The following PAPPA variants were observed in gnomAD, a reference collection of about 807,000 sequenced individuals.
PAPPA encodes pappalysin 1.
A neutral mutation model predicts 164.0 loss-of-function variants in PAPPA; 60 were observed. The observed-to-expected ratio is 0.37, with a 90% CI of 0.30 to 0.45. The LOEUF is 0.45. Ranked by LOEUF, PAPPA falls within the 20% of genes least tolerant of loss-of-function variation. The pLI is 1.00. For missense variants in PAPPA, 1,782 were observed against 2,087.3 expected, an observed-to-expected ratio of 0.85 and a Z score of 2.85; for synonymous variants, 875 against 814.1, an observed-to-expected ratio of 1.07 and a Z score of -1.27.
chr9:116,224,740 A>G (rs956322534), intron 5 of PAPPA, among the ~76,000 whole-genome samples: 3 of 152,236 alleles, frequency 2.0e-5, no homozygotes, highest in African/African-American at 7.2e-5. Flanking sequence ...TTTTAATTAA[A>G]TTAAGTTTAA....
intron 13 of PAPPA, among the ~76,000 whole-genome samples, chr9:116,341,242 T>C (rs1846133318): frequency 6.6e-6 from 1 of 152,090 alleles, no homozygotes; most frequent in Non-Finnish European, 1.5e-5. Flanking sequence ...GGATGCACCA[T>C]GGTGGCCAGG....
At chr9:116,359,628 T>C (rs1389969098) in intron 17 of PAPPA, among the ~76,000 whole-genome samples, 1 of 152,208 alleles carries the variant, frequency 6.6e-6, no homozygotes, top group South Asian at 2.1e-4. Context: ...TGGTAGGCAA[T>C]TTCTGAATGC....
At chr9:116,388,838 G>A (rs545795922) in intron 21 of PAPPA, among the ~76,000 whole-genome samples, 7 of 152,172 alleles carry the variant, frequency 4.6e-5, no homozygotes, top group South Asian at 2.1e-4. Context: ...CTATGTGTAG[G>A]GCTGGCTGCA....
intron 12 of PAPPA, among the ~76,000 whole-genome samples, chr9:116,334,256 A>AG (rs1339552258): frequency 6.6e-6 from 1 of 151,246 alleles, no homozygotes; most frequent in Non-Finnish European, 1.5e-5. Flanking sequence ...AAAAAAAAAA[A>AG]AAAACAGGGC....
At chr9:116,238,519 C>G (rs183488887) in intron 7 of PAPPA, among the ~76,000 whole-genome samples, 1 of 152,242 alleles carries the variant, frequency 6.6e-6, no homozygotes, top group African/African-American at 2.4e-5. Flanking sequence ...ATGACTCAGA[C>G]CAGTCCCTTT....
chr9:116,277,961 C>T (rs1358231157), intron 9 of PAPPA, among the ~76,000 whole-genome samples: 1 of 152,232 alleles, frequency 6.6e-6, no homozygotes, highest in Non-Finnish European at 1.5e-5. Flanking sequence ...AGCCACCGTG[C>T]CTGACTGAAT....
At position 116,259,051 on chromosome 9, in the gene PAPPA, T is replaced by G. The variant is rs573068182; in HGVS notation, c.2733-6806T>G. 3.3e-5 allele frequency among the ~76,000 whole-genome samples: 5 copies of G among 152,130 alleles called. No individual in the cohort carries two copies. In the South Asian group the frequency reaches 1.0e-3, roughly 32 times the overall value. ...GGGAGGCTGAGGCAGGGGAATTGCT[T>G]GAACATGGGAGACAGAGGTTGCAGT... On this transcript the variant is annotated intron_variant, in intron 7 of 21. Coordinates refer to ENST00000328252, the MANE Select transcript of PAPPA (RefSeq NM_002581.5).
intron 7 of PAPPA, among the ~76,000 whole-genome samples, chr9:116,250,469 T>C (rs1373973184): frequency 6.6e-6 from 1 of 152,230 alleles, no homozygotes; most frequent in Non-Finnish European, 1.5e-5. Context: ...CGGCCATTTA[T>C]TTCCCATATC....
intron 1 of PAPPA, among the ~76,000 whole-genome samples, chr9:116,179,417 T>C (rs1408533892): frequency 1.3e-5 from 2 of 152,194 alleles, no homozygotes; most frequent in African/African-American, 4.8e-5. Context: ...TAACCCTGAC[T>C]TGGAGAATTG....
intron 1 of PAPPA, among the ~76,000 whole-genome samples, chr9:116,157,372 A>C (rs1843616509): frequency 6.6e-6 from 1 of 152,206 alleles, no homozygotes; most frequent in South Asian, 2.1e-4. Flanking sequence ...ATTTTTCTGA[A>C]AGGAAAGGAG....
At chr9:116,302,668 G>A (rs948842290) in intron 9 of PAPPA, 89 bp from the exon 10 acceptor site, 17 of 1,006,794 alleles carry the variant, frequency 1.7e-5, no homozygotes, top group Middle Eastern at 2.3e-4. Flanking sequence ...AATGGTTTTG[G>A]TGGTCTGACT....
chr9:116,200,041 T>C (rs140630997), intron 2 of PAPPA, among the ~76,000 whole-genome samples: 15 of 152,100 alleles, frequency 9.9e-5, no homozygotes, highest in Non-Finnish European at 1.3e-4. Flanking sequence ...ACCCCCAACA[T>C]TGGGGATCAC....
chr9:116,187,491 C>T lies in PAPPA; in HGVS notation c.753C>T (p.Gly251=). 1 of 1,614,126 alleles carries T rather than the reference C, an allele frequency of 6.2e-7. No individual in the cohort carries two copies. Among genetic ancestry groups the T allele is most frequent in the Non-Finnish European group, 8.5e-7 (1 of 1,180,018 alleles). Residue 251 remains glycine (G), a synonymous_variant, in exon 2 of 22, where the codon GGC becomes GGT. Coordinates refer to ENST00000328252, the MANE Select transcript of PAPPA (RefSeq NM_002581.5). The surrounding 1 kb of genome is among the most constrained non-coding windows in gnomAD (Gnocchi z 4.2). ...GTGCCCTGAATCACAACTACCGGGGCTACATCGAGCACTTCAGTCTGTGGA... is the reference window on the plus strand; with the variant it reads ...GTGCCCTGAATCACAACTACCGGGGTTACATCGAGCACTTCAGTCTGTGGA... The part of the protein sequence containing the change: ...GGSALNHNYR[G]YIEHFSLWKV...
chr9:116,315,281 C>A (rs1845774106), intron 10 of PAPPA, among the ~76,000 whole-genome samples: 1 of 152,128 alleles, frequency 6.6e-6, no homozygotes, highest in Non-Finnish European at 1.5e-5. Flanking sequence ...GTCCCGAAAA[C>A]CCATCCTGAA....
intron 4 of PAPPA, among the ~76,000 whole-genome samples, chr9:116,219,479 C>A (rs1224141854): frequency 1.3e-5 from 2 of 152,000 alleles, no homozygotes; most frequent in African/African-American, 4.8e-5. Context: ...GAGTTGGAAC[C>A]AGTGAGTGCA....
chr9:116,247,130 A>C (rs1308176227), intron 7 of PAPPA, among the ~76,000 whole-genome samples: 1 of 152,198 alleles, frequency 6.6e-6, no homozygotes, highest in Non-Finnish European at 1.5e-5. Flanking sequence ...AAATGTGTCT[A>C]TATCTCTCAG....
At chr9:116,269,995 C>T (rs1441298069) in intron 8 of PAPPA, among the ~76,000 whole-genome samples, 2 of 152,202 alleles carry the variant, frequency 1.3e-5, no homozygotes, top group African/African-American at 2.4e-5. Flanking sequence ...CATTATCCTG[C>T]TACTCTGACA....
chr9:116,227,689 A>G, intron 6 of PAPPA, 137 bp downstream of exon 6: 2 of 916,692 alleles, frequency 2.2e-6, no homozygotes, highest in East Asian at 2.7e-5. Context: ...CTGCAAGGTT[A>G]GTAGTCAAGC....
At chr9:116,183,415 AG>A (rs1843930725) in intron 1 of PAPPA, among the ~76,000 whole-genome samples, 1 of 152,210 alleles carries the variant, frequency 6.6e-6, no homozygotes, top group Admixed American at 6.5e-5. Context: ...AAGGGAAATT[AG>A]GTTCAGCAGC....
Sources: allele counts gnomAD v4.1 joint callset (sites outside exome capture counted in the v4.1 genomes callset), GRCh38; gene constraint gnomAD v4.1.1; non-coding constraint Gnocchi (gnomAD v3.1); transcripts MANE v1.5; gene names NCBI Gene and HGNC (gene_info 2026-07-23, HGNC 2026-07-21).